PRKAR1B: variants seen among roughly 807,000 people sequenced by gnomAD.
PRKAR1B encodes protein kinase cAMP-dependent type I regulatory subunit beta, also known as cAMP-dependent protein kinase type I-beta regulatory subunit.
A neutral mutation model predicts 46.5 loss-of-function variants in PRKAR1B; 22 were observed. The ratio of observed to expected loss-of-function variants is 0.47; its 90% CI spans 0.34 to 0.68. The LOEUF is 0.68. Ranked by LOEUF, PRKAR1B falls within the 30% of genes least tolerant of loss-of-function variation. PRKAR1B has a pLI of 0.01. For synonymous variants in PRKAR1B, 259 were observed against 217.7 expected (o/e 1.19, Z -1.67); for missense variants, 445 against 535.6 (o/e 0.83, Z 1.67).
intron 4 of PRKAR1B, among the ~76,000 whole-genome samples, chr7:658,417 A>T (rs1785324151): frequency 1.3e-5 from 2 of 152,196 alleles, no homozygotes; most frequent in South Asian, 4.1e-4. Flanking sequence ...CCTGGGCAAT[A>T]GAGTGAGACC....
rs781235373 is a variant in PRKAR1B, at chr7:726,951, G to A, written c.-23+259C>T. Reference sequence around the variant, plus strand: ...TCCAGGGCCCCTGGGCGCGCCTACTGCTGCCGCGCTTGCTGCGCTGCCTGA... The same window carrying A: ...TCCAGGGCCCCTGGGCGCGCCTACTACTGCCGCGCTTGCTGCGCTGCCTGA... On this transcript the variant is annotated intron_variant, in intron 1 of 10. Transcript: ENST00000537384. The A allele has an allele frequency of 5.9e-5, 78 of 1,330,114 alleles. No homozygotes were observed. In the African/African-American group the frequency reaches 1.0e-3, roughly 17 times the overall value. The allele number at this position is 1,330,114 out of a possible 1,614,324, so 82.4% of individuals were successfully genotyped here.
chr7:672,244 G>T (rs999153914), intron 4 of PRKAR1B, among the ~76,000 whole-genome samples: 1 of 151,940 alleles, frequency 6.6e-6, no homozygotes, highest in Non-Finnish European at 1.5e-5. Flanking sequence ...TCCGCCACCC[G>T]GGTTCAAGCA....
chr7:728,747 G>T (rs145248762), upstream of PRKAR1B, among the ~76,000 whole-genome samples: 36 of 152,336 alleles, frequency 2.4e-4, no homozygotes, highest in African/African-American at 8.4e-4. Context: ...TGGGGTATGT[G>T]CTCACTGGTT....
chr7:701,485 G>A (rs931494573), intron 2 of PRKAR1B, among the ~76,000 whole-genome samples: 1 of 152,082 alleles, frequency 6.6e-6, no homozygotes, highest in Non-Finnish European at 1.5e-5. Context: ...CATGATGGTT[G>A]AAAACTTCTC....
At chr7:550,732 A>C in intron 10 of PRKAR1B, 130 bp from the exon 11 acceptor site, 2 of 704,324 alleles carry the variant, frequency 2.8e-6, no homozygotes, top group Non-Finnish European at 4.5e-6. Context: ...CGTGAATTTC[A>C]AACAAACTTG....
At chr7:599,630 G>C (rs1781479799) in intron 6 of PRKAR1B, among the ~76,000 whole-genome samples, 1 of 152,254 alleles carries the variant, frequency 6.6e-6, no homozygotes, top group Non-Finnish European at 1.5e-5. Flanking sequence ...CCCCCGCGGG[G>C]CAGCATTTAC....
chr7:567,433 TCA>T (rs1779224657), intron 9 of PRKAR1B, among the ~76,000 whole-genome samples: 3 of 110,328 alleles, frequency 2.7e-5, no homozygotes, highest in Admixed American at 8.6e-5. Context: ...ATCATCACCA[TCA>T]TCATCACCAT....
chr7:593,411 G>A lies in PRKAR1B; in HGVS notation c.708+2735C>T, dbSNP rs896458566. On this transcript the variant is annotated intron_variant, in intron 7 of 10. Coordinates refer to ENST00000537384, the MANE Select transcript of PRKAR1B (RefSeq NM_001164760.2). The surrounding 1 kb of genome is among the most constrained non-coding windows in gnomAD (Gnocchi z 6.1). Reference sequence around the variant, plus strand: ...CAAATGCTCCCGTCCAAACCAGCCCGGCGCGGCCAGCTATTCTTAGCGCAC... The same window carrying A: ...CAAATGCTCCCGTCCAAACCAGCCCAGCGCGGCCAGCTATTCTTAGCGCAC... Among the ~76,000 whole-genome samples the A allele has an allele frequency of 1.1e-4, 16 of 152,176 alleles. No individual in the cohort carries two copies. Among genetic ancestry groups the A allele is most frequent in the South Asian group, 2.1e-4 (1 of 4,826 alleles).
At chr7:700,760 A>C (rs1236706893) in intron 2 of PRKAR1B, among the ~76,000 whole-genome samples, 2 of 152,214 alleles carry the variant, frequency 1.3e-5, no homozygotes, top group Non-Finnish European at 1.5e-5. Flanking sequence ...CTGAAAAATA[A>C]ATACAAATTT....
chr7:660,063 GC>G (rs1178437098), intron 4 of PRKAR1B, among the ~76,000 whole-genome samples: 4 of 151,950 alleles, frequency 2.6e-5, no homozygotes, highest in Non-Finnish European at 5.9e-5. Flanking sequence ...GAGAGGTGCC[GC>G]CGCCTTGGGC....
chr7:603,419 C>G (rs1364150299), intron 6 of PRKAR1B: 2 of 153,910 alleles, frequency 1.3e-5, no homozygotes, highest in Non-Finnish European at 2.9e-5. Flanking sequence ...AGGGGCAGAA[C>G]CAGAGTCAGG....
At chr7:722,624 G>A (rs946767217) in intron 1 of PRKAR1B, among the ~76,000 whole-genome samples, 1 of 152,230 alleles carries the variant, frequency 6.6e-6, no homozygotes, top group African/African-American at 2.4e-5. Context: ...TGCCCGCCTT[G>A]GCCTCACAAA....
At chr7:606,155 G>C (rs1213443386) in intron 6 of PRKAR1B, 38 bp downstream of exon 6, 2 of 1,609,972 alleles carry the variant, frequency 1.2e-6, no homozygotes, top group Admixed American at 1.7e-5. Context: ...GACATGCAAA[G>C]ACGCGCTATT....
At chr7:606,018 C>T (rs1782021635) in intron 6 of PRKAR1B, among the ~76,000 whole-genome samples, 175 bp downstream of exon 6, 1 of 152,254 alleles carries the variant, frequency 6.6e-6, no homozygotes, top group Admixed American at 6.5e-5. Flanking sequence ...TCTGCACTTT[C>T]TCATATTCCC....
intron 9 of PRKAR1B, among the ~76,000 whole-genome samples, chr7:561,158 C>A (rs1583203380): frequency 6.6e-6 from 1 of 151,924 alleles, no homozygotes; most frequent in Non-Finnish European, 1.5e-5. Flanking sequence ...CACCTGTGCA[C>A]ACACACACGG....
At chr7:606,263 C>T in intron 5 of PRKAR1B, 24 bp from the exon 6 acceptor site, 1 of 1,610,430 alleles carries the variant, frequency 6.2e-7, no homozygotes, top group South Asian at 1.1e-5. Flanking sequence ...AGAAAGTCAA[C>T]AGATACAAAG....
intron 4 of PRKAR1B, among the ~76,000 whole-genome samples, chr7:639,913 C>G (rs1457614825): frequency 6.6e-6 from 1 of 151,024 alleles, no homozygotes; most frequent in African/African-American, 2.4e-5. Context: ...ACCTGTAATC[C>G]CAGCACTTTG....
chr7:727,049 C>T, intron 1 of PRKAR1B, 161 bp downstream of exon 1: 2 of 1,095,616 alleles, frequency 1.8e-6, no homozygotes, highest in East Asian at 5.5e-5. Context: ...GCCGCGCGGC[C>T]CCGCGATGCC....
At chr7:619,366 C>T (rs1475102310) in intron 4 of PRKAR1B, among the ~76,000 whole-genome samples, 2 of 152,162 alleles carry the variant, frequency 1.3e-5, no homozygotes, top group African/African-American at 2.4e-5. Flanking sequence ...TTATGGCAGC[C>T]CTAGAAACTA....
Sources: gnomAD v4.1 joint callset for allele counts (sites outside exome capture counted in the v4.1 genomes callset) on GRCh38, gnomAD v4.1.1 for gene constraint, Gnocchi (gnomAD v3.1) non-coding constraint, MANE v1.5 for transcripts, NCBI Gene and HGNC (gene_info 2026-07-23, HGNC 2026-07-21) for gene names.